The following DNER variants were observed in gnomAD, a reference collection of about 807,000 sequenced individuals.
DNER encodes delta and Notch-like epidermal growth factor-related receptor.
Under a neutral mutation model 78.2 loss-of-function variants are expected in DNER, and 33 were observed. That is an observed-to-expected ratio of 0.42 (90% CI 0.32 to 0.56). The LOEUF (loss-of-function observed/expected upper bound fraction) is 0.56, where lower values mean the gene tolerates loss of function less well. Ranked by LOEUF, DNER falls within the 20% of genes least tolerant of loss-of-function variation. The pLI is 0.11. For synonymous variants in DNER, 417 were observed against 384.8 expected (o/e 1.08, Z -0.98); for missense variants, 918 against 975.3 (o/e 0.94, Z 0.78).
intron 11 of DNER, among the ~76,000 whole-genome samples, chr2:229,377,632 A>G (rs1692637685): frequency 6.6e-6 from 1 of 152,232 alleles, no homozygotes; most frequent in Admixed American, 6.5e-5. Flanking sequence ...GTCCTGGATC[A>G]ATCTTCTTGA....
chr2:229,397,947 A>G (rs1038486320), intron 10 of DNER, among the ~76,000 whole-genome samples: 2 of 152,262 alleles, frequency 1.3e-5, no homozygotes, highest in African/African-American at 4.8e-5. Context: ...ATACTCTAAG[A>G]TCTTACCCAA....
intron 2 of DNER, among the ~76,000 whole-genome samples, chr2:229,588,970 A>G (rs1377970811): frequency 6.6e-6 from 1 of 152,252 alleles, no homozygotes; most frequent in African/African-American, 2.4e-5. Context: ...TGATGGGTCC[A>G]GGAGCACATG....
intron 1 of DNER, among the ~76,000 whole-genome samples, chr2:229,655,030 G>A (rs549035080): frequency 4.6e-5 from 7 of 151,782 alleles, no homozygotes; most frequent in Admixed American, 2.0e-4. Context: ...AAAATTCATC[G>A]GTACTGAGAT....
At chr2:229,618,655 T>C (rs988124764) in intron 1 of DNER, among the ~76,000 whole-genome samples, 3 of 152,242 alleles carry the variant, frequency 2.0e-5, no homozygotes, top group African/African-American at 4.8e-5. Context: ...CAAATTGTTA[T>C]GTTGCACATT....
intron 6 of DNER, among the ~76,000 whole-genome samples, chr2:229,494,782 G>A (rs949170687): frequency 6.6e-6 from 1 of 152,190 alleles, no homozygotes; most frequent in African/African-American, 2.4e-5. Flanking sequence ...TTGAAGAACA[G>A]CTCATATTCA....
rs1692371919 is a variant in DNER, at chr2:229,367,236, C to G, written c.1856-117G>C. ...CTAAGGGCCATTCAAACTTGGAAGG[C>G]TTATTTTCTACGGATTATCCAGACC... is the stretch of plus-strand genomic sequence containing the variant. On this transcript the variant is annotated intron_variant, in intron 11 of 12. Coordinates refer to ENST00000341772, the MANE Select transcript of DNER (RefSeq NM_139072.4). 4 of 1,396,036 alleles carry G rather than the reference C, an allele frequency of 2.9e-6. No homozygotes were observed. In the South Asian group the frequency reaches 5.7e-5, roughly 20 times the overall value. The allele number at this position is 1,396,036 out of a possible 1,614,324, so 86.5% of individuals were successfully genotyped here. A position where few individuals can be genotyped will look rare whatever the true frequency, so the allele number is the denominator to read the frequency against.
At chr2:229,519,238 C>A (rs929918524) in intron 5 of DNER, among the ~76,000 whole-genome samples, 2 of 152,164 alleles carry the variant, frequency 1.3e-5, no homozygotes, top group East Asian at 3.9e-4. Context: ...CAATCTTATT[C>A]TCTGTCATTT....
intron 8 of DNER, among the ~76,000 whole-genome samples, chr2:229,433,738 T>C (rs1041746522): frequency 8.5e-5 from 13 of 152,186 alleles, no homozygotes; most frequent in Non-Finnish European, 4.4e-5. Context: ...GATTAAGATT[T>C]TGAGTAACAT....
intron 1 of DNER, among the ~76,000 whole-genome samples, chr2:229,704,687 G>A (rs889899902): frequency 3.9e-5 from 6 of 152,312 alleles, no homozygotes; most frequent in South Asian, 4.1e-4. Context: ...TTACTACAAC[G>A]GGGCATGAGG....
chr2:229,665,341 G>A lies in DNER; in HGVS notation c.276+48807C>T, dbSNP rs552249768. Among the ~76,000 whole-genome samples, 5 of 152,200 alleles carry A rather than the reference G, an allele frequency of 3.3e-5. No individual in the cohort carries two copies. The East Asian group carries it at 7.7e-4, about 24-fold the overall frequency. On this transcript the variant is annotated intron_variant, in intron 1 of 12. Coordinates refer to ENST00000341772, the MANE Select transcript of DNER (RefSeq NM_139072.4). ...CAAGAAAGCCAGTGTTTGTTCCAAGGGTTGGTCACCAGGTCCACCAATGTC... is the reference window on the plus strand; with the variant it reads ...CAAGAAAGCCAGTGTTTGTTCCAAGAGTTGGTCACCAGGTCCACCAATGTC...
intron 1 of DNER, among the ~76,000 whole-genome samples, chr2:229,669,833 A>G (rs969000516): frequency 2.0e-5 from 3 of 152,198 alleles, no homozygotes; most frequent in African/African-American, 7.2e-5. Context: ...AGAAATGGGA[A>G]AAAGATCATA....
At chr2:229,378,729 G>A (rs892234980) in intron 11 of DNER, among the ~76,000 whole-genome samples, 1 of 152,192 alleles carries the variant, frequency 6.6e-6, no homozygotes, top group African/African-American at 2.4e-5. Flanking sequence ...CAGATGCTCA[G>A]AGTTAGAAAG....
intron 4 of DNER, among the ~76,000 whole-genome samples, chr2:229,555,548 T>C (rs767568321): frequency 6.6e-6 from 1 of 152,218 alleles, no homozygotes. Context: ...TAAAACATCA[T>C]GTACCTCTTC....
chr2:229,530,798 C>T (rs1340207359), intron 5 of DNER, among the ~76,000 whole-genome samples: 2 of 152,210 alleles, frequency 1.3e-5, no homozygotes, highest in Non-Finnish European at 2.9e-5. Flanking sequence ...CTGATCTTAG[C>T]CTTCAAATGC....
At chr2:229,407,442 G>A in intron 9 of DNER, 97 bp from the exon 10 acceptor site, 2 of 1,053,786 alleles carry the variant, frequency 1.9e-6, no homozygotes, top group Non-Finnish European at 2.8e-6. Context: ...ACAATGCGAG[G>A]GAGATTCCCA....
intron 6 of DNER, among the ~76,000 whole-genome samples, chr2:229,506,125 G>C (rs565516840): frequency 6.6e-6 from 1 of 152,258 alleles, no homozygotes; most frequent in Admixed American, 6.5e-5. Context: ...CTGCTATGAA[G>C]AAATACCCAA....
At chr2:229,601,302 C>T (rs1697822405) in intron 1 of DNER, among the ~76,000 whole-genome samples, 1 of 152,124 alleles carries the variant, frequency 6.6e-6, no homozygotes, top group Non-Finnish European at 1.5e-5. Context: ...TATATTCCAA[C>T]ACCAACTGCT....
At chr2:229,366,690 G>A (rs1692354365) in intron 12 of DNER, among the ~76,000 whole-genome samples, 183 bp downstream of exon 12, 1 of 152,214 alleles carries the variant, frequency 6.6e-6, no homozygotes, top group Non-Finnish European at 1.5e-5. Context: ...AAAGCTAGCA[G>A]CAAATTAAAA....
intron 6 of DNER, among the ~76,000 whole-genome samples, chr2:229,498,101 T>C (rs553693119): frequency 7.0e-4 from 106 of 152,282 alleles, no homozygotes; most frequent in African/African-American, 2.5e-3. Context: ...GATTTATCCA[T>C]GGGATGCAAG....
Sources: allele counts gnomAD v4.1 joint callset (sites outside exome capture counted in the v4.1 genomes callset), GRCh38; gene constraint gnomAD v4.1.1; transcripts MANE v1.5; gene names NCBI Gene and HGNC (gene_info 2026-07-23, HGNC 2026-07-21).